Variants in SAMTOR observed in about 807,000 individuals in gnomAD.
SAMTOR encodes S-adenosylmethionine sensor upstream of mTORC1.
At chr7:112,883,998 A>G in the SAMTOR span, among the ~76,000 whole-genome samples, 1 of 152,132 alleles carries the variant, frequency 6.6e-6, no homozygotes, top group East Asian at 1.9e-4. Context: ...AGGAAACACA[A>G]TCATAGCAGA....
At chr7:112,894,121 C>T in the SAMTOR span, among the ~76,000 whole-genome samples, 2 of 149,892 alleles carry the variant, frequency 1.3e-5, no homozygotes, top group African/African-American at 4.9e-5. Context: ...GGCCAAATTT[C>T]CCTAGTGTCT....
chr7:112,894,290 T>C, the SAMTOR span, among the ~76,000 whole-genome samples: 2 of 152,114 alleles, frequency 1.3e-5, no homozygotes, highest in African/African-American at 4.8e-5. Context: ...AAGTTCACTG[T>C]CTTATATGGT....
chr7:112,866,516 G>A, the SAMTOR span, among the ~76,000 whole-genome samples: 1 of 152,192 alleles, frequency 6.6e-6, no homozygotes, highest in Non-Finnish European at 1.5e-5. Flanking sequence ...AGTGAAACAG[G>A]GAGAGTGAAA....
the SAMTOR span, among the ~76,000 whole-genome samples, chr7:112,889,974 A>G: frequency 6.6e-6 from 1 of 152,204 alleles, no homozygotes; most frequent in Admixed American, 6.5e-5. Flanking sequence ...ACAAGCATGG[A>G]AAGTCAGCAG....
chr7:112,860,013 A>C, the SAMTOR span, among the ~76,000 whole-genome samples: 1 of 152,322 alleles, frequency 6.6e-6, no homozygotes, highest in African/African-American at 2.4e-5. Flanking sequence ...CTAGTCCCGT[A>C]AGTTCCATTC....
the SAMTOR span, among the ~76,000 whole-genome samples, chr7:112,887,097 G>A: frequency 6.6e-6 from 1 of 151,888 alleles, no homozygotes; most frequent in Non-Finnish European, 1.5e-5. Context: ...ACCAGGACCT[G>A]GGAGGCAGAG....
At chr7:112,939,813 G>C in the SAMTOR span, 1 of 1,341,758 alleles carries the variant, frequency 7.5e-7, no homozygotes, top group Non-Finnish European at 1.0e-6. Flanking sequence ...AGATGGAGGA[G>C]GTGGGGTAGG....
chr7:112,920,945 G>C, the SAMTOR span, among the ~76,000 whole-genome samples: 1 of 152,166 alleles, frequency 6.6e-6, no homozygotes, highest in Non-Finnish European at 1.5e-5. Flanking sequence ...GGAAATAAAA[G>C]AGGATACAAA....
the SAMTOR span, among the ~76,000 whole-genome samples, chr7:112,879,421 A>T: frequency 2.0e-5 from 3 of 152,066 alleles, no homozygotes; most frequent in Non-Finnish European, 2.9e-5. Context: ...TTTTTAAAAA[A>T]CAGGTTTTTA....
the SAMTOR span, among the ~76,000 whole-genome samples, chr7:112,865,638 TATACATATATTCATATATATATTTCATAC>T: frequency 9.7e-6 from 1 of 102,786 alleles, no homozygotes; most frequent in Non-Finnish European, 2.2e-5. Flanking sequence ...ATATATCATA[TATACATATATTCATATATATATTTCATAC>T]ATACATATAT....
chr7:112,847,735 G>A, the SAMTOR span, among the ~76,000 whole-genome samples: 277 of 152,282 alleles, frequency 1.8e-3, no homozygotes, highest in Non-Finnish European at 3.5e-3. Context: ...CCAAGATTGC[G>A]CCACTGCACT....
At chr7:112,892,999 T>C in the SAMTOR span, among the ~76,000 whole-genome samples, 2 of 152,192 alleles carry the variant, frequency 1.3e-5, no homozygotes, top group African/African-American at 4.8e-5. Context: ...AAATATTCCG[T>C]AAACTATTCT....
the SAMTOR span, among the ~76,000 whole-genome samples, chr7:112,847,581 C>G: frequency 6.6e-6 from 1 of 151,748 alleles, no homozygotes; most frequent in Non-Finnish European, 1.5e-5. Context: ...AAGTTTGAGA[C>G]CAGCCTGACC....
At chr7:112,826,363 C>G in the SAMTOR span, among the ~76,000 whole-genome samples, 16 of 152,122 alleles carry the variant, frequency 1.1e-4, no homozygotes, top group Non-Finnish European at 2.2e-4. Context: ...TAGGGCCATT[C>G]ATCTTATCTG....
At chr7:112,930,076 C>T in the SAMTOR span, among the ~76,000 whole-genome samples, 1 of 152,040 alleles carries the variant, frequency 6.6e-6, no homozygotes, top group Non-Finnish European at 1.5e-5. Context: ...TTGCCAAATA[C>T]GGGCCCTAAG....
chr7:112,871,915 A>C, the SAMTOR span, among the ~76,000 whole-genome samples: 1 of 152,224 alleles, frequency 6.6e-6, no homozygotes, highest in Non-Finnish European at 1.5e-5. Flanking sequence ...ATTCCTAAAA[A>C]CACACAATGT....
chr7:112,902,488 T>C, the SAMTOR span, among the ~76,000 whole-genome samples: 1 of 129,866 alleles, frequency 7.7e-6, no homozygotes, highest in South Asian at 2.6e-4. Flanking sequence ...TGCAGATGGG[T>C]GAAAAGGCCG....
chr7:112,939,776 C>G, the SAMTOR span: 2 of 1,550,062 alleles, frequency 1.3e-6, no homozygotes, highest in South Asian at 2.3e-5. Flanking sequence ...GCCGCCGCCG[C>G]CCCTCAGGCC....
chr7:112,901,420 T>C, the SAMTOR span, among the ~76,000 whole-genome samples: 1 of 152,330 alleles, frequency 6.6e-6, no homozygotes, highest in African/African-American at 2.4e-5. Context: ...GTATCCCATA[T>C]AACCCCCAGA....
Sources: allele counts gnomAD v4.1 joint callset (sites outside exome capture counted in the v4.1 genomes callset), GRCh38; gene constraint gnomAD v4.1.1; transcripts MANE v1.5; gene names NCBI Gene and HGNC (gene_info 2026-07-23, HGNC 2026-07-21).